The following WDR70 variants were observed in gnomAD, a reference collection of about 807,000 sequenced individuals.
WDR70 encodes WD repeat domain 70.
A neutral mutation model predicts 88.6 loss-of-function variants in WDR70; 53 were observed. The ratio of observed to expected loss-of-function variants is 0.60; its 90% CI spans 0.48 to 0.75. The LOEUF (loss-of-function observed/expected upper bound fraction) is 0.75, where lower values mean the gene tolerates loss of function less well. Among genes scored for constraint, WDR70 ranks in the 30% least tolerant of loss-of-function variants. The pLI is 0.00. For synonymous variants in WDR70, 280 were observed against 270.0 expected (o/e 1.04, Z -0.36); for missense variants, 610 against 823.2 (o/e 0.74, Z 3.17).
intron 7 of WDR70, among the ~76,000 whole-genome samples, chr5:37,469,508 T>C (rs544663978): frequency 6.6e-5 from 10 of 152,270 alleles, no homozygotes; most frequent in South Asian, 6.2e-4. Context: ...TCTGATGGAA[T>C]TGAAGTCATG....
intron 7 of WDR70, among the ~76,000 whole-genome samples, chr5:37,472,991 C>G (rs565953439): frequency 6.6e-6 from 1 of 152,058 alleles, no homozygotes; most frequent in South Asian, 2.1e-4. Context: ...TTATCTTACA[C>G]TTTACCAGTT....
chr5:37,501,151 T>C (rs1390263797), intron 8 of WDR70, among the ~76,000 whole-genome samples: 1 of 152,216 alleles, frequency 6.6e-6, no homozygotes, highest in Non-Finnish European at 1.5e-5. Flanking sequence ...ATTCTGGATA[T>C]TAGTGCTTTC....
At chr5:37,675,929 C>T (rs1315641088) in intron 10 of WDR70, among the ~76,000 whole-genome samples, 2 of 152,020 alleles carry the variant, frequency 1.3e-5, no homozygotes, top group Non-Finnish European at 2.9e-5. Context: ...GTTTGTAGTT[C>T]TCCTTGAAGA....
intron 10 of WDR70, among the ~76,000 whole-genome samples, chr5:37,683,756 C>T (rs563067697): frequency 2.0e-5 from 3 of 152,254 alleles, no homozygotes; most frequent in East Asian, 3.9e-4. Flanking sequence ...TGATTTTTCT[C>T]TCTAGCTGCC....
intron 13 of WDR70, among the ~76,000 whole-genome samples, chr5:37,713,518 C>T (rs1043556855): frequency 6.6e-6 from 1 of 151,882 alleles, no homozygotes; most frequent in African/African-American, 2.4e-5. Flanking sequence ...GGTATTTAAA[C>T]TTGTGTAGAC....
intron 7 of WDR70, among the ~76,000 whole-genome samples, chr5:37,455,503 A>G (rs1295998516): frequency 2.0e-5 from 3 of 151,848 alleles, no homozygotes; most frequent in Non-Finnish European, 4.4e-5. Flanking sequence ...TGGCCTCCCA[A>G]AGTGTTGAGA....
In WDR70 at chr5:37,487,653, G is replaced by T. The variant is rs1420688222; in HGVS notation, c.840+7666G>T. 4.0e-5 allele frequency among the ~76,000 whole-genome samples: 5 copies of T among 125,260 alleles called. No individual in the cohort carries two copies. In the East Asian group the frequency reaches 6.7e-4, roughly 17 times the overall value. The allele number at this position is 125,260 out of a possible 152,430, so 82.2% of individuals were successfully genotyped here. A position where few individuals can be genotyped will look rare whatever the true frequency, so the allele number is the denominator to read the frequency against. Reference sequence around the variant, plus strand: ...TTTTTTTTTTTTTTTTTGAGAGGGTGTCTGGTTCTGTCACCAGGCTAGAGT... The same window carrying T: ...TTTTTTTTTTTTTTTTTGAGAGGGTTTCTGGTTCTGTCACCAGGCTAGAGT... On this transcript the variant is annotated intron_variant, in intron 8 of 17. Coordinates refer to ENST00000265107, the MANE Select transcript of WDR70 (RefSeq NM_018034.4).
At chr5:37,548,957 T>A (rs1020419270) in intron 9 of WDR70, among the ~76,000 whole-genome samples, 6 of 152,322 alleles carry the variant, frequency 3.9e-5, no homozygotes, top group Admixed American at 2.6e-4. Context: ...ACTACAGGTG[T>A]GTGGATTTGT....
chr5:37,423,727 C>T (rs1178315739), intron 5 of WDR70, among the ~76,000 whole-genome samples: 1 of 150,346 alleles, frequency 6.7e-6, no homozygotes, highest in Non-Finnish European at 1.5e-5. Context: ...CCACACCTGG[C>T]TAATTTTTGT....
chr5:37,607,296 C>T (rs1744059971), intron 10 of WDR70, among the ~76,000 whole-genome samples: 1 of 151,880 alleles, frequency 6.6e-6, no homozygotes, highest in Non-Finnish European at 1.5e-5. Flanking sequence ...TAACCATCCA[C>T]AGGGAAACAC....
intron 9 of WDR70, among the ~76,000 whole-genome samples, chr5:37,564,281 C>T (rs934150858): frequency 3.9e-5 from 6 of 152,206 alleles, no homozygotes; most frequent in African/African-American, 1.2e-4. Flanking sequence ...CCCGGCACCT[C>T]GGGAGGCCGA....
chr5:37,733,066 C>G (rs1236535666), intron 17 of WDR70, among the ~76,000 whole-genome samples: 1 of 152,048 alleles, frequency 6.6e-6, no homozygotes, highest in Non-Finnish European at 1.5e-5. Flanking sequence ...TTGATTCTGT[C>G]ACAGTTCTGG....
intron 10 of WDR70, among the ~76,000 whole-genome samples, chr5:37,673,805 T>TC (rs922738013): frequency 2.0e-5 from 3 of 151,774 alleles, no homozygotes; most frequent in African/African-American, 7.3e-5. Flanking sequence ...GTGTGTTGTT[T>TC]CCCCCTCCCC....
chr5:37,714,851 A>G (rs565867514), intron 13 of WDR70, among the ~76,000 whole-genome samples: 1 of 152,182 alleles, frequency 6.6e-6, no homozygotes, highest in Non-Finnish European at 1.5e-5. Context: ...GGTTGGAGCA[A>G]ACTTTTACTG....
chr5:37,731,462 C>A (rs1057339837), intron 17 of WDR70, among the ~76,000 whole-genome samples: 46 of 152,190 alleles, frequency 3.0e-4, no homozygotes, highest in African/African-American at 1.0e-3. Flanking sequence ...CATGCTTTAG[C>A]CTTCATTTGA....
At chr5:37,653,994 T>G (rs1189058519) in intron 10 of WDR70, among the ~76,000 whole-genome samples, 2 of 152,140 alleles carry the variant, frequency 1.3e-5, no homozygotes, top group African/African-American at 4.8e-5. Context: ...AGCTTTTGAG[T>G]TTGTTTGCTC....
At chr5:37,689,948 A>C (rs1340831046) in intron 10 of WDR70, among the ~76,000 whole-genome samples, 1 of 152,230 alleles carries the variant, frequency 6.6e-6, no homozygotes, top group Non-Finnish European at 1.5e-5. Flanking sequence ...CATCGCAAGG[A>C]AGCTAAAAAC....
At chr5:37,632,704 T>C (rs192310219) in intron 10 of WDR70, among the ~76,000 whole-genome samples, 30 of 152,298 alleles carry the variant, frequency 2.0e-4, no homozygotes, top group Admixed American at 1.9e-3. Context: ...GTTGATATAC[T>C]CAAAAAGTTA....
Position 37,443,364 on chromosome 5 carries a change from C to G in WDR70, c.678C>G (p.Pro226=). The G allele has an allele frequency of 6.2e-7, 1 of 1,613,862 alleles. No individual in the cohort carries two copies. Among genetic ancestry groups the G allele is most frequent in the Non-Finnish European group, 8.5e-7 (1 of 1,179,834 alleles). Reference sequence around the variant, plus strand: ...TTAAGGCATTTCGATCCCTTCAGCCCTGTGAGTGGTATGTATTCACTTACT... The same window carrying G: ...TTAAGGCATTTCGATCCCTTCAGCCGTGTGAGTGGTATGTATTCACTTACT... ...ASFKAFRSLQ[P]CECHQIKSLQ... is the part of the protein sequence containing the mutation. The change falls in exon 7 of 18, where the codon CCC becomes CCG. Residue 226 remains proline, a synonymous_variant. Coordinates refer to ENST00000265107, the MANE Select transcript of WDR70 (RefSeq NM_018034.4).
Sources: gnomAD v4.1 joint callset for allele counts (sites outside exome capture counted in the v4.1 genomes callset) on GRCh38, gnomAD v4.1.1 for gene constraint, MANE v1.5 for transcripts, NCBI Gene and HGNC (gene_info 2026-07-23, HGNC 2026-07-21) for gene names.